Variants in KMT2C observed in about 807,000 individuals in gnomAD.
The protein encoded by KMT2C is lysine methyltransferase 2C.
KMT2C carries 88 observed loss-of-function variants against 507.9 expected under a neutral mutation model. That is an observed-to-expected ratio of 0.17 (90% CI 0.15 to 0.21). The LOEUF (loss-of-function observed/expected upper bound fraction) is 0.21, where lower values mean the gene tolerates loss of function less well. Ranked by LOEUF, KMT2C falls within the 10% of genes least tolerant of loss-of-function variation. The pLI, the probability that KMT2C is intolerant of heterozygous loss-of-function variation, is 1.00. For synonymous variants in KMT2C, 2,049 were observed against 2,080.8 expected (o/e 0.98, Z 0.42); for missense variants, 4,954 against 5,957.8 (o/e 0.83, Z 5.55).
intron 6 of KMT2C, among the ~76,000 whole-genome samples, chr7:152,290,220 A>ATGTGTGTGTGTGTGTG (rs71198772): frequency 1.2e-5 from 1 of 86,280 alleles, no homozygotes; most frequent in African/African-American, 4.7e-5. Flanking sequence ...TTATATATAT[A>ATGTGTGTGTGTGTGTG]TGTGTGTGTG....
intron 28 of KMT2C, chr7:152,195,420 C>T (rs1047409294): frequency 2.4e-5 from 10 of 408,676 alleles, no homozygotes; most frequent in Non-Finnish European, 3.3e-5. Context: ...CAAATTAGCA[C>T]TACTGATAAA....
chr7:152,237,360 C>T (rs62481514), intron 15 of KMT2C, among the ~76,000 whole-genome samples: 642 of 113,996 alleles, frequency 5.6e-3, no homozygotes, highest in Admixed American at 8.9e-3. Context: ...TTGGATGTAA[C>T]AAATACAGCC....
At chr7:152,424,232 ACCT>A (rs1262441483) in intron 1 of KMT2C, among the ~76,000 whole-genome samples, 1 of 151,338 alleles carries the variant, frequency 6.6e-6, no homozygotes, top group African/African-American at 2.4e-5. Context: ...TCCCACCTCA[ACCT>A]CCTAAGTAGC....
At chr7:152,334,034 AACAAAATGAATGTGTC>A in intron 2 of KMT2C, among the ~76,000 whole-genome samples, 1 of 152,350 alleles carries the variant, frequency 6.6e-6, no homozygotes, top group South Asian at 2.1e-4. Flanking sequence ...TGACCTCATG[AACAAAATGAATGTGTC>A]ACAGATGAGA....
intron 46 of KMT2C, among the ~76,000 whole-genome samples, chr7:152,155,322 T>C (rs563902123): frequency 7.2e-5 from 11 of 152,312 alleles, no homozygotes; most frequent in Non-Finnish European, 1.6e-4. Context: ...GGGCAGATTT[T>C]CCAAAGAAGA....
intron 42 of KMT2C, 30 bp from the exon 43 acceptor site, chr7:152,163,856 T>G: frequency 6.3e-7 from 1 of 1,591,838 alleles, no homozygotes; most frequent in Non-Finnish European, 8.6e-7. Context: ...CATTACTCAT[T>G]TCTATACAGC....
At chr7:152,159,293 G>T (rs1038170038) in intron 43 of KMT2C, among the ~76,000 whole-genome samples, 2 of 152,212 alleles carry the variant, frequency 1.3e-5, no homozygotes, top group African/African-American at 4.8e-5. Flanking sequence ...GAAGCTTGAG[G>T]AAAGAGCAGA....
intron 44 of KMT2C, 24 bp downstream of exon 44, chr7:152,158,839 C>A (rs377600002): frequency 6.2e-7 from 1 of 1,605,546 alleles, no homozygotes; most frequent in African/African-American, 1.3e-5. Context: ...TTAAAAGAGG[C>A]TGCTCTAAAT....
intron 1 of KMT2C, among the ~76,000 whole-genome samples, chr7:152,391,164 A>AAAAAAAAAAC: frequency 6.7e-6 from 1 of 149,724 alleles, no homozygotes; most frequent in African/African-American, 2.5e-5. Flanking sequence ...AAAAAAAAAA[A>AAAAAAAAAAC]AAAGCCTTAA....
chr7:152,214,029 A>G (rs1212741981), intron 23 of KMT2C, among the ~76,000 whole-genome samples: 2 of 152,206 alleles, frequency 1.3e-5, no homozygotes, highest in African/African-American at 4.8e-5. Flanking sequence ...ATATCATCTC[A>G]TGTCTCTTAG....
chr7:152,237,380 T>A (rs2095297482), intron 15 of KMT2C, among the ~76,000 whole-genome samples: 1 of 152,200 alleles, frequency 6.6e-6, no homozygotes, highest in South Asian at 2.1e-4. Context: ...CAGCTCCCAG[T>A]TTCAAACTGC....
chr7:152,147,897 G>T, intron 52 of KMT2C, 136 bp downstream of exon 52: 1 of 909,628 alleles, frequency 1.1e-6, no homozygotes, highest in South Asian at 2.1e-5. Context: ...CACAAACATT[G>T]GCATTTGTAA....
At chr7:152,253,874 T>C (rs2095603644) in intron 9 of KMT2C, among the ~76,000 whole-genome samples, 1 of 152,166 alleles carries the variant, frequency 6.6e-6, no homozygotes, top group African/African-American at 2.4e-5. Context: ...CAGCCAAAAC[T>C]ACTTCTGTGC....
intron 55 of KMT2C, among the ~76,000 whole-genome samples, chr7:152,140,292 C>T (rs934091323): frequency 6.6e-6 from 1 of 152,178 alleles, no homozygotes; most frequent in Non-Finnish European, 1.5e-5. Flanking sequence ...ACACAGGAAA[C>T]GTCACTCTGC....
intron 13 of KMT2C, among the ~76,000 whole-genome samples, 177 bp downstream of exon 13, chr7:152,249,699 A>AAT (rs68046307): frequency 6.7e-6 from 1 of 148,446 alleles, no homozygotes; most frequent in Non-Finnish European, 1.5e-5. Context: ...AAAAAAAAAA[A>AAT]CCTTTCAAGA....
At chr7:152,168,495 G>A (rs775804554) in intron 41 of KMT2C, among the ~76,000 whole-genome samples, 6 of 152,182 alleles carry the variant, frequency 3.9e-5, no homozygotes, top group Non-Finnish European at 5.9e-5. Context: ...TACTAAATTT[G>A]AAGGGCATTT....
chr7:152,370,103 A>T (rs1382391583), intron 1 of KMT2C, among the ~76,000 whole-genome samples: 1 of 152,018 alleles, frequency 6.6e-6, no homozygotes, highest in Admixed American at 6.6e-5. Flanking sequence ...CTGAGGCAGG[A>T]GAATGGCGTG....
chr7:152,391,566 A>C (rs1270192161), intron 1 of KMT2C, among the ~76,000 whole-genome samples: 2 of 90,644 alleles, frequency 2.2e-5, no homozygotes, highest in African/African-American at 1.4e-4. Flanking sequence ...TTTTTTTTTG[A>C]CACAGAGTCT....
chr7:152,353,347 C>T (rs1448008081), intron 2 of KMT2C, among the ~76,000 whole-genome samples: 1 of 152,116 alleles, frequency 6.6e-6, no homozygotes, highest in East Asian at 1.9e-4. Flanking sequence ...TTGCTTGAAC[C>T]CGGGAGGCAG....
Sources: allele counts gnomAD v4.1 joint callset (sites outside exome capture counted in the v4.1 genomes callset), GRCh38; gene constraint gnomAD v4.1.1; transcripts MANE v1.5; gene names NCBI Gene and HGNC (gene_info 2026-07-23, HGNC 2026-07-21).